The following POFUT3 variants were observed in gnomAD, a reference collection of about 807,000 sequenced individuals.
The protein encoded by POFUT3 is GDP-fucose protein O-fucosyltransferase 3.
At chr8:33,470,237 A>AAAC in the POFUT3 span, among the ~76,000 whole-genome samples, 1 of 19,350 alleles carries the variant, frequency 5.2e-5, no homozygotes, top group Non-Finnish European at 1.1e-4. Context: ...CCATCTCTAC[A>AAAC]AAAAAAAAAA....
chr8:33,347,305 A>G, the POFUT3 span, among the ~76,000 whole-genome samples: 2 of 152,196 alleles, frequency 1.3e-5, no homozygotes, highest in Non-Finnish European at 2.9e-5. Context: ...TCCCTTTTAA[A>G]GTACCATAGG....
At chr8:33,318,466 T>A in the POFUT3 span, among the ~76,000 whole-genome samples, 1,093 of 133,364 alleles carry the variant, frequency 8.2e-3, 33 homozygotes, top group African/African-American at 0.03. Context: ...ATGAATTCTA[T>A]TATATTATTA....
the POFUT3 span, among the ~76,000 whole-genome samples, chr8:33,386,188 C>CAAAAAAAA: frequency 3.4e-3 from 110 of 32,038 alleles, 8 homozygotes; most frequent in African/African-American, 6.7e-3. Context: ...GGCTCCATCT[C>CAAAAAAAA]AAAAAAAAAA....
chr8:33,362,444 T>G, the POFUT3 span, among the ~76,000 whole-genome samples: 2 of 152,170 alleles, frequency 1.3e-5, no homozygotes, highest in African/African-American at 4.8e-5. Context: ...ATAAATGGGC[T>G]AAATGCCCCC....
At chr8:33,376,706 GA>G in the POFUT3 span, among the ~76,000 whole-genome samples, 9 of 152,200 alleles carry the variant, frequency 5.9e-5, no homozygotes, top group African/African-American at 2.2e-4. Flanking sequence ...CAAAATCTGG[GA>G]AATCTATGAA....
chr8:33,335,129 G>A, the POFUT3 span, among the ~76,000 whole-genome samples: 4 of 148,794 alleles, frequency 2.7e-5, no homozygotes, highest in Non-Finnish European at 5.9e-5. Context: ...TTAGCAACCA[G>A]CTGTCCAGGA....
the POFUT3 span, among the ~76,000 whole-genome samples, chr8:33,431,140 T>A: frequency 4.6e-5 from 7 of 152,120 alleles, no homozygotes; most frequent in African/African-American, 1.7e-4. Flanking sequence ...CAGCTAAGTA[T>A]CTTATTCTAA....
At chr8:33,323,960 G>T in the POFUT3 span, among the ~76,000 whole-genome samples, 1 of 152,154 alleles carries the variant, frequency 6.6e-6, no homozygotes, top group African/African-American at 2.4e-5. Flanking sequence ...CAATAGACAT[G>T]TATTTCTTGC....
chr8:33,341,712 G>T, the POFUT3 span, among the ~76,000 whole-genome samples: 2 of 151,902 alleles, frequency 1.3e-5, no homozygotes, highest in Non-Finnish European at 2.9e-5. Context: ...ACAGAAGCAA[G>T]GAAATAATAA....
At chr8:33,416,328 T>C in the POFUT3 span, among the ~76,000 whole-genome samples, 4 of 152,174 alleles carry the variant, frequency 2.6e-5, no homozygotes, top group African/African-American at 9.7e-5. Flanking sequence ...ATGGGCCAGG[T>C]GCAGTGGCTC....
chr8:33,311,282 A>G, the POFUT3 span, among the ~76,000 whole-genome samples: 1 of 152,230 alleles, frequency 6.6e-6, no homozygotes, highest in African/African-American at 2.4e-5. Flanking sequence ...GGCTTTAAAA[A>G]TCAGTAATTG....
chr8:33,461,645 A>C, the POFUT3 span: 1 of 1,524,524 alleles, frequency 6.6e-7, no homozygotes, highest in Admixed American at 2.0e-5. Context: ...CTTGGCATCG[A>C]GAGGAAGCAG....
chr8:33,332,017 C>T, the POFUT3 span, among the ~76,000 whole-genome samples: 1 of 151,758 alleles, frequency 6.6e-6, no homozygotes, highest in Non-Finnish European at 1.5e-5. Context: ...GTGGCACACA[C>T]CTGTAGTACC....
the POFUT3 span, among the ~76,000 whole-genome samples, chr8:33,415,332 T>G: frequency 2.0e-5 from 3 of 152,080 alleles, no homozygotes; most frequent in Non-Finnish European, 4.4e-5. Flanking sequence ...CTGAATCAGA[T>G]GAGGGACTTA....
At chr8:33,429,179 A>T in the POFUT3 span, among the ~76,000 whole-genome samples, 2 of 152,210 alleles carry the variant, frequency 1.3e-5, no homozygotes, top group Admixed American at 6.5e-5. Context: ...TTAAGTAATG[A>T]TGCCAATGTC....
At chr8:33,331,663 T>TTTGTTGTTGTTGTTGTTG in the POFUT3 span, among the ~76,000 whole-genome samples, 11 of 151,300 alleles carry the variant, frequency 7.3e-5, no homozygotes, top group African/African-American at 2.7e-4. Context: ...CTCTAAAGAT[T>TTTGTTGTTGTTGTTGTTG]TTGTTGTTGT....
chr8:33,431,033 T>C, the POFUT3 span, among the ~76,000 whole-genome samples: 1 of 152,058 alleles, frequency 6.6e-6, no homozygotes, highest in Admixed American at 6.6e-5. Flanking sequence ...CACTTACCCT[T>C]GGAAAGTGTG....
the POFUT3 span, among the ~76,000 whole-genome samples, chr8:33,362,956 A>C: frequency 6.6e-6 from 1 of 152,190 alleles, no homozygotes; most frequent in Admixed American, 6.5e-5. Context: ...ACCCCAAATC[A>C]ACAGAATATA....
chr8:33,430,021 C>G, the POFUT3 span, among the ~76,000 whole-genome samples: 1 of 151,454 alleles, frequency 6.6e-6, no homozygotes, highest in Non-Finnish European at 1.5e-5. Context: ...AAGAAAGACT[C>G]CAGTTTATAT....
Sources: allele counts gnomAD v4.1 joint callset (sites outside exome capture counted in the v4.1 genomes callset), GRCh38; gene constraint gnomAD v4.1.1; transcripts MANE v1.5; gene names NCBI Gene and HGNC (gene_info 2026-07-23, HGNC 2026-07-21).